The following KCNQ1OT1 variants were observed in gnomAD, a reference collection of about 807,000 sequenced individuals.
KCNQ1OT1 encodes the protein KCNQ1 antisense RNA 2 (non-protein coding).
rs1590009400 is a variant in KCNQ1OT1, at chr11:2,654,556, G to A, written n.45439C>T. 1 of 398,688 alleles carries A rather than the reference G, an allele frequency of 2.5e-6. No individual in the cohort carries two copies. Among genetic ancestry groups the A allele is most frequent in the Non-Finnish European group, 4.4e-6 (1 of 226,154 alleles). The allele number at this position is 398,688 out of a possible 1,614,324, so 24.7% of individuals were successfully genotyped here. On this transcript the variant is annotated non_coding_transcript_exon_variant, in exon 1 of 1. Transcript: ENST00000597346. This position sits in a 1 kb window ranked among gnomAD's most constrained non-coding sequence, Gnocchi z 6.4. ...GCTTGGGTTACACCTGGGAGATTAG[G>A]CCGGATTTTAATCAATCAGGAGGGG...
chr11:2,625,938 A>G (rs570457623), exon 1 of KCNQ1OT1: 3 of 398,638 alleles, frequency 7.5e-6, no homozygotes, highest in African/African-American at 2.1e-5. Flanking sequence ...TAATCTGGAC[A>G]TTAATCCCTT....
chr11:2,649,289 CTCAT>C (rs1849721415), exon 1 of KCNQ1OT1: 1 of 398,222 alleles, frequency 2.5e-6, no homozygotes, highest in Admixed American at 4.4e-5. Flanking sequence ...TTTGTTTCCT[CTCAT>C]TGTTTTTCTT....
chr11:2,609,724 T>G (rs1201719784), exon 1 of KCNQ1OT1: 1 of 398,254 alleles, frequency 2.5e-6, no homozygotes, highest in African/African-American at 2.1e-5. Flanking sequence ...AATATATGTT[T>G]ATAATCATTG....
At position 2,611,451 on chromosome 11, in the gene KCNQ1OT1, ATCTG is replaced by A. The variant is rs1284693415; in HGVS notation, n.88540_88543del. The A allele has an allele frequency of 5.0e-6, 2 of 397,758 alleles. No homozygotes were observed. Among genetic ancestry groups the A allele is most frequent in the Non-Finnish European group, 4.4e-6 (1 of 226,094 alleles). 24.6% of individuals were successfully genotyped at this position (397,758 alleles called of 1,614,324 possible). ...GGTCTTGAACTCCTGACCTCGAGTG[ATCTG>A]TCTGCCTCAGCCTCCCAAAATGCTG... On this transcript the variant is annotated non_coding_transcript_exon_variant, in exon 1 of 1. Transcript: ENST00000597346. This position sits in a 1 kb window ranked among gnomAD's most constrained non-coding sequence, Gnocchi z 5.3.
At chr11:2,662,470 G>A (rs1012630863) in exon 1 of KCNQ1OT1, 1 of 469,268 alleles carries the variant, frequency 2.1e-6, no homozygotes, top group East Asian at 3.2e-5. Context: ...GATGCCGGGT[G>A]CAGTCTGCCA....
At chr11:2,648,914 A>T in exon 1 of KCNQ1OT1, 1 of 394,270 alleles carries the variant, frequency 2.5e-6, no homozygotes, top group Non-Finnish European at 4.4e-6. Flanking sequence ...TATAATTGTT[A>T]TATCTTCTTG....
At position 2,677,623 on chromosome 11, in the gene KCNQ1OT1, G is replaced by T. The variant is rs190063573; in HGVS notation, n.22372C>A. ...CTGGATTTGTTTTTTTCTAAAACGT[G>T]TACATAATTGTAACTCTAACAACTG... On this transcript the variant is annotated non_coding_transcript_exon_variant, in exon 1 of 1. Transcript: ENST00000597346. This position sits in a 1 kb window ranked among gnomAD's most constrained non-coding sequence, Gnocchi z 4.5. The T allele has an allele frequency of 4.8e-4, 190 of 398,414 alleles. No individual in the cohort carries two copies. Among genetic ancestry groups the T allele is most frequent in the African/African-American group, 3.3e-3 (160 of 48,678 alleles). The allele number at this position is 398,414 out of a possible 1,614,324, so 24.7% of individuals were successfully genotyped here. A position where few individuals can be genotyped will look rare whatever the true frequency, so the allele number is the denominator to read the frequency against.
rs1479470388 is a variant in KCNQ1OT1 at position 2,679,138 on chromosome 11, T to C, written n.20857A>G. 1 of 398,542 alleles carries C rather than the reference T, an allele frequency of 2.5e-6. No homozygotes were observed. Among genetic ancestry groups the C allele is most frequent in the Non-Finnish European group, 4.4e-6 (1 of 226,098 alleles). 24.7% of individuals were successfully genotyped at this position (398,542 alleles called of 1,614,324 possible). ...AGCTGTGCAGGCCAAAATGGTTTCA[T>C]GGCATGAGTTGGGCAGCAGCGACTC... On this transcript the variant is annotated non_coding_transcript_exon_variant, in exon 1 of 1. Coordinates refer to ENST00000597346, the Ensembl canonical transcript of KCNQ1OT1. This position sits in a 1 kb window ranked among gnomAD's most constrained non-coding sequence, Gnocchi z 4.8.
chr11:2,655,892 T>G lies in KCNQ1OT1; in HGVS notation n.44103A>C, dbSNP rs901948201. 6.0e-5 allele frequency: 24 copies of G among 398,752 alleles called. No homozygotes were observed. In the East Asian group the frequency reaches 8.2e-4, roughly 14 times the overall value. 24.7% of individuals were successfully genotyped at this position (398,752 alleles called of 1,614,324 possible). The stretch of plus-strand genomic sequence containing the variant: ...TGGAGGCCTTCTCTGCCCCTTGTTA[T>G]AGGGGCCCCATATGCCGTTCCCAGG... On this transcript the variant is annotated non_coding_transcript_exon_variant, in exon 1 of 1. Coordinates refer to ENST00000597346, the Ensembl canonical transcript of KCNQ1OT1.
At chr11:2,630,168 A>C (rs1849330148) in exon 1 of KCNQ1OT1, 2 of 398,276 alleles carry the variant, frequency 5.0e-6, no homozygotes. Flanking sequence ...TGCACTTATC[A>C]AAATGATTGT....
In KCNQ1OT1 at chr11:2,683,229, C is replaced by G. The variant is rs564972534; in HGVS notation, n.16766G>C. ...TTGTGATGGAACTAGAGGTGAGATA[C>G]AGAGCAGGAGTCCATGGCACCTCCA... On this transcript the variant is annotated non_coding_transcript_exon_variant, in exon 1 of 1. Coordinates refer to ENST00000597346, the Ensembl canonical transcript of KCNQ1OT1. The surrounding 1 kb of genome is among the most constrained non-coding windows in gnomAD (Gnocchi z 4.7). 7 of 398,630 alleles carry G rather than the reference C, an allele frequency of 1.8e-5. No homozygotes were observed. The South Asian group carries it at 8.9e-4, about 51-fold the overall frequency. The allele number at this position is 398,630 out of a possible 1,614,324, so 24.7% of individuals were successfully genotyped here. A position where few individuals can be genotyped will look rare whatever the true frequency, so the allele number is the denominator to read the frequency against.
chr11:2,675,578 CT>C, exon 1 of KCNQ1OT1: 1 of 398,650 alleles, frequency 2.5e-6, no homozygotes, highest in Non-Finnish European at 4.4e-6. Context: ...AACAGTTTCA[CT>C]TCCTAGGAGA....
At chr11:2,622,765 G>T (rs1308617237) in exon 1 of KCNQ1OT1, 7 of 398,392 alleles carry the variant, frequency 1.8e-5, no homozygotes, top group Non-Finnish European at 2.7e-5. Context: ...AAATTGAGAG[G>T]TAAGTACAGA....
At position 2,664,970 on chromosome 11, in the gene KCNQ1OT1, G is replaced by T. The variant is rs1850037923; in HGVS notation, n.35025C>A. ...TCACTATAGCCTTGATTACGGGAAG[G>T]TCCCTGGGGCTGGGCGAAGCTCCTC... On this transcript the variant is annotated non_coding_transcript_exon_variant, in exon 1 of 1. Coordinates refer to ENST00000597346, the Ensembl canonical transcript of KCNQ1OT1. The surrounding 1 kb of genome is among the most constrained non-coding windows in gnomAD (Gnocchi z 5.1). 2.5e-6 allele frequency: 1 copy of T among 398,654 alleles called. No individual in the cohort carries two copies. The highest frequency in any genetic ancestry group is 4.4e-6 in the Non-Finnish European group (1 of 226,114). 24.7% of individuals were successfully genotyped at this position (398,654 alleles called of 1,614,324 possible). A position where few individuals can be genotyped will look rare whatever the true frequency, so the allele number is the denominator to read the frequency against.
Position 2,678,394 on chromosome 11 carries a change from T to C in KCNQ1OT1, n.21601A>G, listed in dbSNP as rs1850329785. 2.5e-6 allele frequency: 1 copy of C among 398,636 alleles called. No homozygotes were observed. Among genetic ancestry groups the C allele is most frequent in the Non-Finnish European group, 4.4e-6 (1 of 226,062 alleles). The allele number at this position is 398,636 out of a possible 1,614,324, so 24.7% of individuals were successfully genotyped here. A position where few individuals can be genotyped will look rare whatever the true frequency, so the allele number is the denominator to read the frequency against. ...TAAATCCAATTTGGTTTCCCATATATTTGTCCAGTTGTCCAACACTATTTA... is the reference window on the plus strand; with the variant it reads ...TAAATCCAATTTGGTTTCCCATATACTTGTCCAGTTGTCCAACACTATTTA... On this transcript the variant is annotated non_coding_transcript_exon_variant, in exon 1 of 1. Transcript: ENST00000597346. The surrounding 1 kb of genome is among the most constrained non-coding windows in gnomAD (Gnocchi z 4.9).
rs1422168610 is a variant in KCNQ1OT1 at position 2,608,590 on chromosome 11, C to T, written n.91405G>A. On this transcript the variant is annotated non_coding_transcript_exon_variant, in exon 1 of 1. Transcript: ENST00000597346. This position sits in a 1 kb window ranked among gnomAD's most constrained non-coding sequence, Gnocchi z 4.6. ...TCCTAGTCTCAAGTGATCCTTGCCC[C>T]TTAGCCTATGACAGGTGTGCACCAC... is the stretch of plus-strand genomic sequence containing the variant. The T allele has an allele frequency of 7.5e-6, 3 of 398,458 alleles. No individual in the cohort carries two copies. The highest frequency in any genetic ancestry group is 4.1e-5 in the African/African-American group (2 of 48,590). The allele number at this position is 398,458 out of a possible 1,614,324, so 24.7% of individuals were successfully genotyped here. A position where few individuals can be genotyped will look rare whatever the true frequency, so the allele number is the denominator to read the frequency against.
In KCNQ1OT1 at chr11:2,626,874, C is replaced by A. The variant is rs942207707; in HGVS notation, n.73121G>T. ...AAAGTGTGAGTCCTCCAATGTTGTT[C>A]ATCATTTTCAAGAATGTTTTAGCTA... On this transcript the variant is annotated non_coding_transcript_exon_variant, in exon 1 of 1. Coordinates refer to ENST00000597346, the Ensembl canonical transcript of KCNQ1OT1. This position sits in a 1 kb window ranked among gnomAD's most constrained non-coding sequence, Gnocchi z 4.0. 34 of 398,416 alleles carry A rather than the reference C, an allele frequency of 8.5e-5. No homozygotes were observed. Among genetic ancestry groups the A allele is most frequent in the African/African-American group, 5.3e-4 (26 of 48,600 alleles). The allele number at this position is 398,416 out of a possible 1,614,324, so 24.7% of individuals were successfully genotyped here. A position where few individuals can be genotyped will look rare whatever the true frequency, so the allele number is the denominator to read the frequency against.
In KCNQ1OT1 at chr11:2,690,402, C is replaced by G. The variant is rs1850569050; in HGVS notation, n.9593G>C. 1 of 398,708 alleles carries G rather than the reference C, an allele frequency of 2.5e-6. No individual in the cohort carries two copies. Among genetic ancestry groups the G allele is most frequent in the Non-Finnish European group, 4.4e-6 (1 of 226,130 alleles). The allele number at this position is 398,708 out of a possible 1,614,324, so 24.7% of individuals were successfully genotyped here. A position where few individuals can be genotyped will look rare whatever the true frequency, so the allele number is the denominator to read the frequency against. On this transcript the variant is annotated non_coding_transcript_exon_variant, in exon 1 of 1. Transcript: ENST00000597346. The surrounding 1 kb of genome is among the most constrained non-coding windows in gnomAD (Gnocchi z 5.1). ...ATGTGCCAGACCAAAAGAGCTATCTCTCTCCCTGCGAAAGGCTGGGGTCCT... is the reference window on the plus strand; with the variant it reads ...ATGTGCCAGACCAAAAGAGCTATCTGTCTCCCTGCGAAAGGCTGGGGTCCT...
chr11:2,641,276 A>C (rs974677373), exon 1 of KCNQ1OT1: 2 of 398,348 alleles, frequency 5.0e-6, no homozygotes, highest in African/African-American at 4.1e-5. Context: ...ATTCCCACCA[A>C]CAGTGTATAA....
Sources: gnomAD v4.1 joint callset for allele counts on GRCh38, gnomAD v4.1.1 for gene constraint, Gnocchi (gnomAD v3.1) non-coding constraint, MANE v1.5 for transcripts, NCBI Gene and HGNC (gene_info 2026-07-23, HGNC 2026-07-21) for gene names.